CALCOCO2: variants seen among roughly 807,000 people sequenced by gnomAD.
CALCOCO2 encodes the protein calcium-binding and coiled-coil domain-containing protein 2.
Under a neutral mutation model 62.5 loss-of-function variants are expected in CALCOCO2, and 42 were observed. The ratio of observed to expected loss-of-function variants is 0.67; its 90% CI spans 0.53 to 0.87. CALCOCO2 has a LOEUF of 0.87. Among genes scored for constraint, CALCOCO2 ranks in the 40% least tolerant of loss-of-function variants. The probability of loss-of-function intolerance (pLI) is 0.00; values close to 1 mark genes in which losing one functional copy is unlikely to be tolerated. For missense variants in CALCOCO2, 456 were observed against 515.0 expected, an observed-to-expected ratio of 0.89 and a Z score of 1.11; for synonymous variants, 167 against 173.0, an observed-to-expected ratio of 0.97 and a Z score of 0.27.
At chr17:48,853,433 G>A (rs1459821448) in intron 9 of CALCOCO2, among the ~76,000 whole-genome samples, 1 of 152,092 alleles carries the variant, frequency 6.6e-6, no homozygotes. Context: ...CAATTATGTA[G>A]GAATGAAAGG....
intron 10 of CALCOCO2, among the ~76,000 whole-genome samples, chr17:48,859,971 G>T (rs1177154223): frequency 1.3e-5 from 2 of 152,170 alleles, no homozygotes; most frequent in African/African-American, 4.8e-5. Flanking sequence ...GTGGGTGCCT[G>T]TAATCCCAGC....
At position 48,863,503 on chromosome 17, in the gene CALCOCO2, A is replaced by C. The variant is rs1331009439; in HGVS notation, c.*498A>C. ...TTAGACTAGCCAAAAATGCCGTGGC[A>C]AAGAGCTCAGAAATCCAATTTGGAT... On this transcript the variant is annotated 3_prime_UTR_variant, in exon 13 of 13. Transcript: ENST00000258947. 6.4e-6 allele frequency: 1 copy of C among 156,702 alleles called. No individual in the cohort carries two copies. The highest frequency in any genetic ancestry group is 1.4e-5 in the Non-Finnish European group (1 of 70,556). 9.7% of individuals were successfully genotyped at this position (156,702 alleles called of 1,614,324 possible).
At chr17:48,850,446 G>T (rs2040112618) in intron 5 of CALCOCO2, among the ~76,000 whole-genome samples, 3 of 152,042 alleles carry the variant, frequency 2.0e-5, no homozygotes, top group Admixed American at 2.0e-4. Flanking sequence ...AACAGAGCAA[G>T]ACTTTATCTC....
Position 48,860,599 on chromosome 17 carries a change from C to T in CALCOCO2, c.1144+150C>T, listed in dbSNP as rs1040956422. 4.7e-5 allele frequency: 30 copies of T among 639,218 alleles called. 1 individual carries two copies. The highest frequency in any genetic ancestry group is 4.4e-4 in the South Asian group (22 of 49,684). 39.6% of individuals were successfully genotyped at this position (639,218 alleles called of 1,614,324 possible). On this transcript the variant is annotated intron_variant, in intron 11 of 12. Coordinates refer to ENST00000258947, the MANE Select transcript of CALCOCO2 (RefSeq NM_005831.5). ...AGGACCCAGTAGAAAGATTGCCAGG[C>T]GAGAAGTGTTAATTGAGAAATAAAT... is the stretch of plus-strand genomic sequence containing the variant.
Position 48,863,494 on chromosome 17 carries a change from T to C in CALCOCO2, c.*489T>C, listed in dbSNP as rs1045276826. ...ATGATTGTTTTAGACTAGCCAAAAA[T>C]GCCGTGGCAAAGAGCTCAGAAATCC... On this transcript the variant is annotated 3_prime_UTR_variant, in exon 13 of 13. Transcript: ENST00000258947. 7 of 156,008 alleles carry C rather than the reference T, an allele frequency of 4.5e-5. No individual in the cohort carries two copies. The highest frequency in any genetic ancestry group is 9.6e-5 in the African/African-American group (4 of 41,464). The allele number at this position is 156,008 out of a possible 1,614,324, so 9.7% of individuals were successfully genotyped here. A position where few individuals can be genotyped will look rare whatever the true frequency, so the allele number is the denominator to read the frequency against.
chr17:48,833,323 A>C (rs972660865), intron 1 of CALCOCO2, among the ~76,000 whole-genome samples: 1 of 151,892 alleles, frequency 6.6e-6, no homozygotes, highest in African/African-American at 2.4e-5. Context: ...TTGGGAGGCC[A>C]AGGTGGGTGG....
chr17:48,851,361 A>C (rs2040127072), intron 6 of CALCOCO2, 184 bp downstream of exon 6: 1 of 623,250 alleles, frequency 1.6e-6, no homozygotes, highest in African/African-American at 1.8e-5. Flanking sequence ...AAATGATCTG[A>C]TTTCAAATAT....
chr17:48,857,182 A>G (rs1043907067), intron 10 of CALCOCO2, among the ~76,000 whole-genome samples: 6 of 143,758 alleles, frequency 4.2e-5, no homozygotes, highest in Admixed American at 2.2e-4. Flanking sequence ...ACTTCCATCA[A>G]TTCTTCATCT....
rs762248432 is a variant in CALCOCO2 at position 48,860,419 on chromosome 17, C to A, written c.1114C>A (p.Pro372Thr). The A allele has an allele frequency of 1.4e-5, 23 of 1,614,018 alleles. No individual in the cohort carries two copies. The East Asian group carries it at 4.5e-4, about 31-fold the overall frequency. The change falls in exon 11 of 13, where the codon CCA becomes ACA. Residue 372 changes from proline (P) to threonine (T), a missense_variant. Physicochemically the swap from Pro to Thr is conservative, Grantham distance 38. This residue lies in a region of CALCOCO2 where 172 missense variants were observed against 210.3 expected (regional missense o/e 0.82). Transcript: ENST00000258947. ...AGATGAAGGAGGCGCAAGACAAAAT[C>A]CAGGACTTGCCTATGGAAACCCATA... The part of the protein sequence containing the change: ...TSDEGGARQN[P>T]GLAYGNPYSG...
chr17:48,835,720 T>TTTTTCTTTTC (rs148812139), intron 1 of CALCOCO2, among the ~76,000 whole-genome samples: 1 of 143,172 alleles, frequency 7.0e-6, no homozygotes, highest in African/African-American at 2.8e-5. Flanking sequence ...AGATTGGTTG[T>TTTTTCTTTTC]TTTTCTTTTC....
At chr17:48,849,132 T>A in intron 4 of CALCOCO2, 120 bp from the exon 5 acceptor site, 1 of 865,522 alleles carries the variant, frequency 1.2e-6, no homozygotes, top group Non-Finnish European at 1.9e-6. Context: ...GCAGCCCCCA[T>A]CTGGGATACA....
rs2040124281 is a variant in CALCOCO2 at position 48,851,152 on chromosome 17, G to A, written c.607G>A (p.Asp203Asn). ...GGAACTGAAAGTGAAAGAACAGAAG[G>A]ACTATTGGGAGACAGAGCTGCTTCA... ...KLELKVKEQK[D>N]YWETELLQLK... Residue 203 changes from aspartate (D) to asparagine (N), a missense_variant, in exon 6 of 13, where the codon GAC becomes AAC. By Grantham distance (23) the Asp-to-Asn change is conservative. Around this residue, in one of 3 missense-constraint regions of CALCOCO2, gnomAD observed 236 missense variants for 225.3 expected, o/e 1.05. Coordinates refer to ENST00000258947, the MANE Select transcript of CALCOCO2 (RefSeq NM_005831.5). 3 of 1,609,710 alleles carry A rather than the reference G, an allele frequency of 1.9e-6. No individual in the cohort carries two copies. The highest frequency in any genetic ancestry group is 2.6e-6 in the Non-Finnish European group (3 of 1,176,076).
Position 48,841,777 on chromosome 17 carries a change from A to T in CALCOCO2, c.70A>T (p.Ile24Phe). 6.2e-7 allele frequency: 1 copy of T among 1,613,706 alleles called. No individual in the cohort carries two copies. The highest frequency in any genetic ancestry group is 8.5e-7 in the Non-Finnish European group (1 of 1,179,664). ...GGATCACTGTCATTTCTCTCAGGTC[A>T]TCTTTAACAGTGTGGAGAAGTTCTA... Reference protein sequence around the residue: ...LLDHCHFSQVIFNSVEKFYIP... With the variant: ...LLDHCHFSQVFFNSVEKFYIP... Residue 24 changes from isoleucine (I) to phenylalanine (F), a missense_variant, in exon 2 of 13, where the codon ATC becomes TTC. Transcript: ENST00000258947.
chr17:48,851,020 G>A (rs1462998782), intron 5 of CALCOCO2, 69 bp from the exon 6 acceptor site: 21 of 815,570 alleles, frequency 2.6e-5, no homozygotes, highest in Admixed American at 7.4e-5. Flanking sequence ...AATATTTGTT[G>A]CCTGCCTAAG....
intron 11 of CALCOCO2, among the ~76,000 whole-genome samples, chr17:48,861,121 A>C (rs183635434): frequency 2.4e-4 from 36 of 152,266 alleles, no homozygotes; most frequent in Admixed American, 2.2e-3. Flanking sequence ...TAATCCCAGC[A>C]CTGTGGGAGG....
Position 48,851,344 on chromosome 17 carries a change from TC to T in CALCOCO2, c.632+168del, listed in dbSNP as rs1193633291. On this transcript the variant is annotated intron_variant, in intron 6 of 12. Transcript: ENST00000258947. Reference sequence around the variant, plus strand: ...AATTAGAAAATTGGTATCAGAATAGTCAGGAAAAATGATCTGATTTCAAATA... The same window carrying T: ...AATTAGAAAATTGGTATCAGAATAGTAGGAAAAATGATCTGATTTCAAATA... 3 of 628,508 alleles carry T rather than the reference TC, an allele frequency of 4.8e-6. No individual in the cohort carries two copies. The Admixed American group carries it at 8.6e-5, about 18-fold the overall frequency. 38.9% of individuals were successfully genotyped at this position (628,508 alleles called of 1,614,324 possible).
At chr17:48,858,063 A>ATAGAATAGAAAATAGAATAGAATAGAC (rs2040268156) in intron 10 of CALCOCO2, among the ~76,000 whole-genome samples, 1 of 147,878 alleles carries the variant, frequency 6.8e-6, no homozygotes, top group Non-Finnish European at 1.5e-5. Flanking sequence ...ATAGAATAGA[A>ATAGAATAGAAAATAGAATAGAATAGAC]TAGAATAGAA....
chr17:48,854,270 C>T (rs1453434340), intron 9 of CALCOCO2, among the ~76,000 whole-genome samples: 11 of 127,494 alleles, frequency 8.6e-5, no homozygotes, highest in African/African-American at 2.9e-4. Flanking sequence ...GAGCTGAGAT[C>T]GCGCCATTGC....
chr17:48,854,510 A>G (rs1186403562), intron 9 of CALCOCO2, among the ~76,000 whole-genome samples: 2 of 135,116 alleles, frequency 1.5e-5, no homozygotes, highest in Non-Finnish European at 3.1e-5. Context: ...GGCTCAAGCT[A>G]TTCTCCTGCC....
Sources: gnomAD v4.1 joint callset for allele counts (sites outside exome capture counted in the v4.1 genomes callset) on GRCh38, gnomAD v4.1.1 for gene constraint, gnomAD v4.1.1 regional missense constraint, MANE v1.5 for transcripts, NCBI Gene and HGNC (gene_info 2026-07-23, HGNC 2026-07-21) for gene names.